SANBR: variants seen among roughly 807,000 people sequenced by gnomAD.
The protein encoded by SANBR is SANT and BTB domain regulator of class switch recombination.
In SANBR, 77 loss-of-function variants were observed where a neutral mutation model predicts 101.8. The ratio of observed to expected loss-of-function variants is 0.76; its 90% confidence interval spans 0.63 to 0.91. The LOEUF is 0.91. Ranked by LOEUF, SANBR falls within the 40% of genes least tolerant of loss-of-function variation. The pLI is 0.00. For synonymous variants in SANBR, 279 were observed against 274.7 expected, an observed-to-expected ratio of 1.02 and a Z score of -0.15; for missense variants, 875 against 853.0, an observed-to-expected ratio of 1.03 and a Z score of -0.32.
In SANBR at chr2:61,117,477, C is replaced by T; in HGVS notation, c.1876C>T (p.Gln626Ter). Residue 626 changes from glutamine to a stop codon, truncating the protein, a stop_gained, in exon 19 of 22, where the codon CAG becomes TAG. Transcript: ENST00000402291. LOFTEE classifies it high-confidence loss of function. The part of the protein sequence containing the change: ...RDVSPFVMSM[Q>*]KNKWDATRSL... The stretch of plus-strand genomic sequence containing the variant: ...CAATTTTTTCAATAGTATGAGTATG[C>T]AGAAGAATAAGTGGGATGCCACAAG... 6.2e-7 allele frequency: 1 copy of T among 1,613,518 alleles called. No homozygotes were observed. The highest frequency in any genetic ancestry group is 8.5e-7 in the Non-Finnish European group (1 of 1,179,644).
downstream of SANBR, among the ~76,000 whole-genome samples, chr2:61,127,806 A>C (rs760330808): frequency 1.1e-4 from 17 of 152,206 alleles, no homozygotes; most frequent in Non-Finnish European, 2.1e-4. Flanking sequence ...AAGGAAGATA[A>C]AAAAATGTTT....
intron 20 of SANBR, chr2:61,134,005 A>G: frequency 7.5e-7 from 1 of 1,334,792 alleles, no homozygotes; most frequent in South Asian, 1.4e-5. Context: ...GCATTTGGGT[A>G]ATAGAAATAT....
chr2:61,113,915 T>C (rs1349123865), intron 16 of SANBR, among the ~76,000 whole-genome samples: 1 of 152,184 alleles, frequency 6.6e-6, no homozygotes, highest in Non-Finnish European at 1.5e-5. Context: ...AAAGTTCCTT[T>C]CTGTTTCTAT....
rs1250855925 is a variant in SANBR at position 61,121,045 on chromosome 2, T to C, written c.2029-140T>C. On this transcript the variant is annotated intron_variant, in intron 20 of 21. Transcript: ENST00000402291. ...TACACTAAAATGGTACATTTTTCTT[T>C]ATGTAAATTAAACCTCAAAAAGACT... 1.0e-5 allele frequency: 6 copies of C among 593,622 alleles called. No homozygotes were observed. In the East Asian group the frequency reaches 1.9e-4, roughly 19 times the overall value. The allele number at this position is 593,622 out of a possible 1,614,324, so 36.8% of individuals were successfully genotyped here. A position where few individuals can be genotyped will look rare whatever the true frequency, so the allele number is the denominator to read the frequency against.
chr2:61,121,976 C>T (rs1344831837), intron 21 of SANBR, 150 bp from the exon 22 acceptor site: 5 of 997,918 alleles, frequency 5.0e-6, no homozygotes, highest in Non-Finnish European at 7.2e-6. Flanking sequence ...AAAAATACAT[C>T]TCCTGTTAAG....
At chr2:61,091,891 C>T in intron 10 of SANBR, among the ~76,000 whole-genome samples, 1 of 152,134 alleles carries the variant, frequency 6.6e-6, no homozygotes, top group Non-Finnish European at 1.5e-5. Context: ...TTACCAAGAC[C>T]TGATTGTATA....
intron 21 of SANBR, among the ~76,000 whole-genome samples, chr2:61,134,941 C>T (rs760340661): frequency 6.6e-6 from 1 of 151,862 alleles, no homozygotes; most frequent in East Asian, 1.9e-4. Flanking sequence ...AATCCCAGCA[C>T]TTTGGGAGGC....
At chr2:61,070,923 C>T (rs1467677650) in intron 3 of SANBR, among the ~76,000 whole-genome samples, 6 of 151,460 alleles carry the variant, frequency 4.0e-5, no homozygotes, top group South Asian at 2.1e-4. Context: ...AGTCTCACTA[C>T]GTTGCCCAGG....
chr2:61,120,278 G>A (rs983845259), intron 20 of SANBR, among the ~76,000 whole-genome samples: 3 of 152,164 alleles, frequency 2.0e-5, no homozygotes, highest in East Asian at 3.9e-4. Context: ...CAAGGCGGGC[G>A]GATCACAAAG....
intron 12 of SANBR, among the ~76,000 whole-genome samples, chr2:61,103,506 A>G (rs894281743): frequency 6.6e-6 from 1 of 152,176 alleles, no homozygotes; most frequent in South Asian, 2.1e-4. Context: ...CTTAAGTGGC[A>G]GAGGGATAAA....
chr2:61,117,939 A>T lies in SANBR; in HGVS notation c.1940-89A>T, dbSNP rs567656855. On this transcript the variant is annotated intron_variant, in intron 19 of 21. Transcript: ENST00000402291. The stretch of plus-strand genomic sequence containing the variant: ...AAATAGTATCAAAGGATATTTTCAT[A>T]AACCCTAGGTGATTACAGTCTTTTT... The T allele has an allele frequency of 6.5e-5, 60 of 928,020 alleles. 1 individual carries two copies. The South Asian group carries it at 9.2e-4, about 14-fold the overall frequency. 57.5% of individuals were successfully genotyped at this position (928,020 alleles called of 1,614,324 possible).
chr2:61,126,525 G>A (rs941865596), downstream of SANBR, among the ~76,000 whole-genome samples: 80 of 152,042 alleles, frequency 5.3e-4, no homozygotes, highest in African/African-American at 1.9e-3. Context: ...CCTTCAGGCC[G>A]GACGCGGTGG....
At chr2:61,134,032 A>G in intron 20 of SANBR, 1 of 1,522,786 alleles carries the variant, frequency 6.6e-7, no homozygotes, top group Non-Finnish European at 8.9e-7. Flanking sequence ...CAATCTCACC[A>G]ATTTATCCTA....
At chr2:61,068,411 C>T (rs1681291741) in intron 1 of SANBR, among the ~76,000 whole-genome samples, 2 of 152,070 alleles carry the variant, frequency 1.3e-5, no homozygotes, top group Non-Finnish European at 2.9e-5. Context: ...CAATAATGGC[C>T]AAAGTGGAGA....
chr2:61,083,376 C>A, intron 8 of SANBR, 62 bp downstream of exon 8: 3 of 1,018,090 alleles, frequency 2.9e-6, no homozygotes, highest in Non-Finnish European at 4.4e-6. Context: ...ATTTCTATTT[C>A]ATGTGAGTGA....
chr2:61,098,372 G>A (rs997265293), intron 12 of SANBR, among the ~76,000 whole-genome samples: 3 of 152,098 alleles, frequency 2.0e-5, no homozygotes, highest in East Asian at 1.9e-4. Flanking sequence ...CCAGAGTGCC[G>A]GGATTACAGG....
intron 20 of SANBR, among the ~76,000 whole-genome samples, chr2:61,132,605 C>A (rs770884555): frequency 3.9e-5 from 6 of 152,332 alleles, no homozygotes; most frequent in Admixed American, 6.5e-5. Context: ...GAAAAGCCAC[C>A]TGTCAGCTCT....
chr2:61,110,631 A>T (rs1021278056), intron 16 of SANBR, among the ~76,000 whole-genome samples: 3 of 152,124 alleles, frequency 2.0e-5, no homozygotes, highest in African/African-American at 7.2e-5. Flanking sequence ...GTGAGCCAAG[A>T]TTGTGCCATT....
At chr2:61,090,662 G>C (rs1474106878) in intron 10 of SANBR, 1 of 153,856 alleles carries the variant, frequency 6.5e-6, no homozygotes, top group Non-Finnish European at 1.4e-5. Flanking sequence ...GACCATGGGT[G>C]TGCATCACCA....
Sources: gnomAD v4.1 joint callset for allele counts (sites outside exome capture counted in the v4.1 genomes callset) on GRCh38, gnomAD v4.1.1 for gene constraint, MANE v1.5 for transcripts, NCBI Gene and HGNC (gene_info 2026-07-23, HGNC 2026-07-21) for gene names.